Variants in PTPRD observed in about 807,000 individuals in gnomAD.
PTPRD encodes the protein receptor-type tyrosine-protein phosphatase delta.
A neutral mutation model predicts 214.5 loss-of-function variants in PTPRD; 34 were observed. That is an observed-to-expected ratio of 0.16 (90% CI 0.12 to 0.21). The LOEUF is 0.21. PTPRD is among the 10% of genes least tolerant of loss of function. The pLI, the probability that PTPRD is intolerant of heterozygous loss-of-function variation, is 1.00. For synonymous variants in PTPRD, 1,128 were observed against 845.7 expected, an observed-to-expected ratio of 1.33 and a Z score of -5.79; for missense variants, 2,545 against 2,398.7, an observed-to-expected ratio of 1.06 and a Z score of -1.27.
At chr9:8,400,912 T>G (rs2130122569) in intron 36 of PTPRD, among the ~76,000 whole-genome samples, 1 of 152,218 alleles carries the variant, frequency 6.6e-6, no homozygotes, top group South Asian at 2.1e-4. Context: ...ATGAAAGAGA[T>G]TACCACTAAG....
rs530924560 is a variant in PTPRD at position 9,155,845 on chromosome 9, G to A, written c.-143+27459C>T. On this transcript the variant is annotated intron_variant, in intron 10 of 45. Transcript: ENST00000381196. ...ATTATAATTTGAACTGATGGGTTCA[G>A]AACACTCTAAAATTTGAACATTTGC... 2.6e-5 allele frequency among the ~76,000 whole-genome samples: 4 copies of A among 152,204 alleles called. No homozygotes were observed. The East Asian group carries it at 7.7e-4, about 29-fold the overall frequency.
intron 3 of PTPRD, among the ~76,000 whole-genome samples, chr9:10,069,729 G>A (rs1025347405): frequency 5.3e-5 from 8 of 151,794 alleles, no homozygotes; most frequent in Admixed American, 5.3e-4. Context: ...CTTAGTTTTA[G>A]GGAAAAAACA....
rs561080138 is a variant in PTPRD, at chr9:9,397,755, T to C, written c.-236-273A>G. On this transcript the variant is annotated intron_variant, in intron 8 of 45. Coordinates refer to ENST00000381196, the MANE Select transcript of PTPRD (RefSeq NM_002839.4). ...TATGTATTGCACCAATATTTTCTTC[T>C]GATATATATGTTTAAAAGGCAGGCA... Among the ~76,000 whole-genome samples, 5 of 152,110 alleles carry C rather than the reference T, an allele frequency of 3.3e-5. No homozygotes were observed. The East Asian group carries it at 7.7e-4, about 24-fold the overall frequency.
intron 9 of PTPRD, among the ~76,000 whole-genome samples, chr9:9,319,583 T>C (rs985326517): frequency 1.3e-5 from 2 of 152,170 alleles, no homozygotes; most frequent in Non-Finnish European, 2.9e-5. Context: ...ATACATAGGC[T>C]CATTTCCCCA....
intron 33 of PTPRD, among the ~76,000 whole-genome samples, chr9:8,456,464 A>C (rs909607957): frequency 6.6e-6 from 1 of 152,146 alleles, no homozygotes; most frequent in Non-Finnish European, 1.5e-5. Flanking sequence ...GAGTGACAGG[A>C]AAGGCATTCC....
intron 3 of PTPRD, among the ~76,000 whole-genome samples, chr9:10,069,588 A>C (rs1011336050): frequency 1.3e-5 from 2 of 152,062 alleles, no homozygotes; most frequent in African/African-American, 4.8e-5. Context: ...ATGGTGCACA[A>C]GTCTGGTGTT....
In PTPRD at chr9:8,573,729, G is replaced by C. The variant is rs752878680; in HGVS notation, c.353-44950C>G. On this transcript the variant is annotated intron_variant, in intron 14 of 45. Coordinates refer to ENST00000381196, the MANE Select transcript of PTPRD (RefSeq NM_002839.4). ...AAGTTGCATAATTTTTATCACATTA[G>C]AAAAAAAGCATCAGTAGGAGTATTT... 1.1e-4 allele frequency among the ~76,000 whole-genome samples: 16 copies of C among 151,410 alleles called. No individual in the cohort carries two copies. In the East Asian group the frequency reaches 2.9e-3, roughly 28 times the overall value.
rs563638299 is a variant in PTPRD, at chr9:8,935,509, C to T, written c.-104+83188G>A. ...AAACAAGAGATTCTTAAAATATCAT[C>T]CAAAGAGAAAGTCTACTTACTACCT... On this transcript the variant is annotated intron_variant, in intron 11 of 45. Coordinates refer to ENST00000381196, the MANE Select transcript of PTPRD (RefSeq NM_002839.4). 2.6e-5 allele frequency among the ~76,000 whole-genome samples: 4 copies of T among 152,184 alleles called. No homozygotes were observed. The South Asian group carries it at 8.3e-4, about 32-fold the overall frequency.
At chr9:8,568,097 T>C (rs1208429595) in intron 14 of PTPRD, among the ~76,000 whole-genome samples, 1 of 152,172 alleles carries the variant, frequency 6.6e-6, no homozygotes, top group Non-Finnish European at 1.5e-5. Context: ...AAACATGTTA[T>C]ATTCTAAATA....
chr9:9,613,127 C>CATATATAT (rs1336099691), intron 7 of PTPRD, among the ~76,000 whole-genome samples: 44 of 39,108 alleles, frequency 1.1e-3, no homozygotes, highest in Non-Finnish European at 1.3e-3. Context: ...CTGCAGTATA[C>CATATATAT]ATACATACAT....
chr9:9,914,152 G>C (rs1239311224), intron 5 of PTPRD, among the ~76,000 whole-genome samples: 2 of 152,176 alleles, frequency 1.3e-5, no homozygotes, highest in African/African-American at 4.8e-5. Context: ...CAATGCAGGA[G>C]AGAACTCCGA....
chr9:9,234,681 CA>C (rs1410376400), intron 9 of PTPRD, among the ~76,000 whole-genome samples: 1 of 152,158 alleles, frequency 6.6e-6, no homozygotes, highest in African/African-American at 2.4e-5. Context: ...ATGTAAAGGA[CA>C]GGGGCAAAAT....
At chr9:9,713,455 T>C (rs2097769723) in intron 7 of PTPRD, among the ~76,000 whole-genome samples, 1 of 152,076 alleles carries the variant, frequency 6.6e-6, no homozygotes, top group Non-Finnish European at 1.5e-5. Flanking sequence ...TTGATTACAA[T>C]TAATGGAGAA....
intron 11 of PTPRD, among the ~76,000 whole-genome samples, chr9:8,839,578 G>A (rs1246549995): frequency 6.6e-6 from 1 of 152,104 alleles, no homozygotes; most frequent in Non-Finnish European, 1.5e-5. Context: ...ACCCACCTTG[G>A]CCTCCCAAAG....
intron 14 of PTPRD, among the ~76,000 whole-genome samples, chr9:8,626,777 G>A (rs2096056306): frequency 6.6e-6 from 1 of 151,614 alleles, no homozygotes; most frequent in Admixed American, 6.6e-5. Flanking sequence ...TAGGTCTTCA[G>A]CTTGCCAGCC....
chr9:8,486,693 G>C (rs1353263652), intron 27 of PTPRD, among the ~76,000 whole-genome samples: 1 of 152,180 alleles, frequency 6.6e-6, no homozygotes, highest in Non-Finnish European at 1.5e-5. Context: ...CAGCCAATTA[G>C]ATATGGCTAA....
intron 10 of PTPRD, among the ~76,000 whole-genome samples, chr9:9,109,005 G>A (rs72694980): frequency 0.027 from 4,151 of 152,126 alleles, 94 homozygotes; most frequent in East Asian, 0.065. Context: ...AGTGCTATTC[G>A]TTTATAAAGT....
intron 18 of PTPRD, 104 bp from the exon 19 acceptor site, chr9:8,523,628 T>G (rs954045928): frequency 3.4e-5 from 42 of 1,240,182 alleles, no homozygotes; most frequent in Non-Finnish European, 4.6e-5. Context: ...GGCTTTCAAC[T>G]GCTACTTGAA....
At chr9:8,997,268 G>C (rs1462781055) in intron 11 of PTPRD, among the ~76,000 whole-genome samples, 1 of 152,008 alleles carries the variant, frequency 6.6e-6, no homozygotes, top group African/African-American at 2.4e-5. Context: ...CAAATATTGT[G>C]TCTTTTACAA....
Sources: allele counts gnomAD v4.1 joint callset (sites outside exome capture counted in the v4.1 genomes callset), GRCh38; gene constraint gnomAD v4.1.1; transcripts MANE v1.5; gene names NCBI Gene and HGNC (gene_info 2026-07-23, HGNC 2026-07-21).